Variants in PGCKA1 observed in about 807,000 individuals in gnomAD.
PGCKA1 encodes PDCD10 and GCKIII kinases-associated protein 1.
chr4:37,525,281 A>G, the PGCKA1 span, among the ~76,000 whole-genome samples: 76,263 of 151,942 alleles, frequency 0.5, 20,015 homozygotes, highest in African/African-American at 0.64. Flanking sequence ...AAGGATTTAC[A>G]GTCAGCTACA....
At chr4:37,581,393 T>TA in the PGCKA1 span, among the ~76,000 whole-genome samples, 1 of 151,454 alleles carries the variant, frequency 6.6e-6, no homozygotes, top group Admixed American at 6.6e-5. The surrounding 1 kb of genome is among the most constrained non-coding windows in gnomAD (Gnocchi z 4.4). Context: ...CCAAGGCCCA[T>TA]AGCGTACTAC....
At chr4:37,572,291 C>T in the PGCKA1 span, among the ~76,000 whole-genome samples, 1 of 150,790 alleles carries the variant, frequency 6.6e-6, no homozygotes, top group East Asian at 2.0e-4. Flanking sequence ...TGGTCTCGAT[C>T]TCCTGACCTC....
the PGCKA1 span, among the ~76,000 whole-genome samples, chr4:37,454,865 A>G: frequency 6.6e-6 from 1 of 152,178 alleles, no homozygotes; most frequent in African/African-American, 2.4e-5. Flanking sequence ...GACTTAGTAC[A>G]TTTTATGTTA....
At chr4:37,546,843 C>T in the PGCKA1 span, among the ~76,000 whole-genome samples, 3 of 152,368 alleles carry the variant, frequency 2.0e-5, no homozygotes, top group South Asian at 6.2e-4. Flanking sequence ...CGCCTCGCCA[C>T]AGCAGCACGT....
the PGCKA1 span, among the ~76,000 whole-genome samples, chr4:37,480,511 C>A: frequency 2.5e-4 from 37 of 147,966 alleles, no homozygotes; most frequent in Admixed American, 1.6e-3. Context: ...AACAAACAAA[C>A]AAAAAAAACT....
At chr4:37,571,355 C>CATTTTTTTTTTTTTTTTTTTTTT in the PGCKA1 span, among the ~76,000 whole-genome samples, 1 of 78,036 alleles carries the variant, frequency 1.3e-5, no homozygotes. Flanking sequence ...GACTATTATC[C>CATTTTTTTTTTTTTTTTTTTTTT]TTTTTTTTTT....
the PGCKA1 span, among the ~76,000 whole-genome samples, chr4:37,574,527 G>T: frequency 6.6e-6 from 1 of 151,994 alleles, no homozygotes; most frequent in Non-Finnish European, 1.5e-5. Flanking sequence ...TTTGATACAG[G>T]CTTGCAATGC....
At chr4:37,509,961 G>A in the PGCKA1 span, among the ~76,000 whole-genome samples, 2 of 133,602 alleles carry the variant, frequency 1.5e-5, no homozygotes, top group South Asian at 4.5e-4. Context: ...TGGAGAGAGA[G>A]GGAGCGGGAG....
the PGCKA1 span, among the ~76,000 whole-genome samples, chr4:37,455,735 C>A: frequency 6.6e-6 from 1 of 152,216 alleles, no homozygotes; most frequent in Non-Finnish European, 1.5e-5. Context: ...CCCAGACCCT[C>A]TCTGAGCCGG....
the PGCKA1 span, among the ~76,000 whole-genome samples, chr4:37,521,183 C>T: frequency 6.6e-6 from 1 of 151,848 alleles, no homozygotes; most frequent in African/African-American, 2.4e-5. Context: ...CCATTTTTTG[C>T]TGCAGGGACT....
the PGCKA1 span, among the ~76,000 whole-genome samples, chr4:37,568,856 G>A: frequency 2.8e-4 from 43 of 152,240 alleles, no homozygotes; most frequent in South Asian, 1.7e-3. Flanking sequence ...TCACAAACTC[G>A]TTTTGCAGAT....
chr4:37,590,384 C>G, the PGCKA1 span: 1 of 1,613,900 alleles, frequency 6.2e-7, no homozygotes, highest in South Asian at 1.1e-5. Context: ...CCACAGCCCA[C>G]TGGGAATTCC....
the PGCKA1 span, among the ~76,000 whole-genome samples, chr4:37,556,526 C>G: frequency 3.3e-5 from 5 of 152,170 alleles, no homozygotes; most frequent in Non-Finnish European, 7.4e-5. Context: ...GTCTCAGCCC[C>G]GCTGAGTGCT....
chr4:37,526,337 A>C, the PGCKA1 span, among the ~76,000 whole-genome samples: 1 of 152,358 alleles, frequency 6.6e-6, no homozygotes, highest in South Asian at 2.1e-4. Context: ...AATTATTAAA[A>C]TTCATAGTAA....
At chr4:37,530,515 A>G in the PGCKA1 span, among the ~76,000 whole-genome samples, 18 of 145,884 alleles carry the variant, frequency 1.2e-4, no homozygotes, top group Non-Finnish European at 1.8e-4. Context: ...CAGAGGTTGC[A>G]GTGAGCTGAG....
the PGCKA1 span, among the ~76,000 whole-genome samples, chr4:37,476,208 A>G: frequency 2.0e-5 from 3 of 152,184 alleles, no homozygotes; most frequent in Non-Finnish European, 2.9e-5. Flanking sequence ...AAATATATTT[A>G]GCACATGGTT....
the PGCKA1 span, among the ~76,000 whole-genome samples, chr4:37,589,851 C>T: frequency 5.8e-4 from 88 of 152,320 alleles, no homozygotes; most frequent in African/African-American, 1.9e-3. Context: ...AGGCTGGTCT[C>T]GAACTCCTGA....
At chr4:37,522,031 A>G in the PGCKA1 span, among the ~76,000 whole-genome samples, 4 of 152,022 alleles carry the variant, frequency 2.6e-5, no homozygotes, top group African/African-American at 7.2e-5. Context: ...TTCCATTGGT[A>G]TCTCATCCCA....
At chr4:37,548,519 C>T in the PGCKA1 span, among the ~76,000 whole-genome samples, 1 of 151,820 alleles carries the variant, frequency 6.6e-6, no homozygotes, top group African/African-American at 2.4e-5. Flanking sequence ...TCAACCTGCT[C>T]TTTAACAAAA....
Sources: gnomAD v4.1 joint callset for allele counts (sites outside exome capture counted in the v4.1 genomes callset) on GRCh38, gnomAD v4.1.1 for gene constraint, Gnocchi (gnomAD v3.1) non-coding constraint, MANE v1.5 for transcripts, NCBI Gene and HGNC (gene_info 2026-07-23, HGNC 2026-07-21) for gene names.